FAM151B: variants seen among roughly 807,000 people sequenced by gnomAD.
FAM151B encodes the protein family with sequence similarity 151 member B.
Under a neutral mutation model 31.2 loss-of-function variants are expected in FAM151B, and 24 were observed. That is an observed-to-expected ratio of 0.77 (90% confidence interval 0.56 to 1.08). The LOEUF is 1.08. Among genes scored for constraint, FAM151B ranks in the 50% least tolerant of loss-of-function variants. The pLI is 0.00. For synonymous variants in FAM151B, 105 were observed against 111.4 expected (o/e 0.94, Z 0.36); for missense variants, 293 against 328.6 (o/e 0.89, Z 0.84).
At chr5:80,521,919 C>CATAGA in intron 4 of FAM151B, 84 bp from the exon 5 acceptor site, 4 of 964,242 alleles carry the variant, frequency 4.1e-6, no homozygotes, top group Non-Finnish European at 5.9e-6. Context: ...ATGGTTTTAC[C>CATAGA]TAATTATAGG....
At chr5:80,509,026 T>C (rs189441951) in intron 2 of FAM151B, among the ~76,000 whole-genome samples, 1 of 152,320 alleles carries the variant, frequency 6.6e-6, no homozygotes, top group East Asian at 1.9e-4. Flanking sequence ...CAGGCCGTAG[T>C]GCAGTGACGC....
At chr5:80,538,474 C>G (rs1221360346) in intron 5 of FAM151B, among the ~76,000 whole-genome samples, 68 of 123,888 alleles carry the variant, frequency 5.5e-4, no homozygotes, top group African/African-American at 1.8e-3. Flanking sequence ...TTCTTTCTTT[C>G]TTTCTTTCTT....
At chr5:80,531,111 A>G (rs1745224285) in intron 5 of FAM151B, among the ~76,000 whole-genome samples, 3 of 152,208 alleles carry the variant, frequency 2.0e-5, no homozygotes, top group African/African-American at 7.2e-5. Flanking sequence ...ATCTTTGACA[A>G]ACCTGACAAA....
At chr5:80,535,165 T>C (rs1745434361) in intron 5 of FAM151B, among the ~76,000 whole-genome samples, 1 of 152,168 alleles carries the variant, frequency 6.6e-6, no homozygotes, top group Non-Finnish European at 1.5e-5. Context: ...TGTTAAAATA[T>C]CCATACTACC....
intron 5 of FAM151B, among the ~76,000 whole-genome samples, chr5:80,529,367 A>G (rs921327040): frequency 2.4e-4 from 36 of 152,326 alleles, no homozygotes; most frequent in Middle Eastern, 3.4e-3. Flanking sequence ...AGCTAGCAGA[A>G]GGCAAGAAAT....
chr5:80,541,605 G>A, intron 5 of FAM151B, 68 bp from the exon 6 acceptor site: 2 of 1,461,006 alleles, frequency 1.4e-6, no homozygotes, highest in Middle Eastern at 1.8e-4. Context: ...AGCATTTTTA[G>A]GCTTATTGGA....
intron 5 of FAM151B, among the ~76,000 whole-genome samples, chr5:80,533,694 G>T (rs1442573450): frequency 2.2e-5 from 3 of 134,036 alleles, no homozygotes; most frequent in Admixed American, 8.3e-5. Flanking sequence ...AGATTGCAGT[G>T]AGCCGAGATC....
chr5:80,510,268 C>A (rs539139839), intron 2 of FAM151B, among the ~76,000 whole-genome samples: 5 of 152,226 alleles, frequency 3.3e-5, no homozygotes, highest in Non-Finnish European at 5.9e-5. Context: ...TCTAAAATGA[C>A]CTCACTCATA....
At chr5:80,510,146 G>A (rs1377778256) in intron 2 of FAM151B, among the ~76,000 whole-genome samples, 1 of 152,192 alleles carries the variant, frequency 6.6e-6, no homozygotes, top group African/African-American at 2.4e-5. Context: ...TAGCAGTGCT[G>A]TATTTTTTTC....
chr5:80,520,134 G>T (rs1744637651), intron 4 of FAM151B, among the ~76,000 whole-genome samples: 1 of 152,076 alleles, frequency 6.6e-6, no homozygotes, highest in African/African-American at 2.4e-5. Flanking sequence ...CACATTTATA[G>T]TCATATAAGT....
chr5:80,535,029 C>T (rs563380424), intron 5 of FAM151B, among the ~76,000 whole-genome samples: 46 of 152,078 alleles, frequency 3.0e-4, no homozygotes, highest in African/African-American at 1.1e-3. Context: ...AATTAACTAC[C>T]TAGGAATTAA....
rs189088488 is a variant in FAM151B at position 80,532,691 on chromosome 5, A to T, written c.672-8982A>T. On this transcript the variant is annotated intron_variant, in intron 5 of 5. Coordinates refer to ENST00000282226, the MANE Select transcript of FAM151B (RefSeq NM_205548.3). The stretch of plus-strand genomic sequence containing the variant: ...CAGAACATTTCATCCAACAGCTGCA[A>T]AATACACATTCTTTTTCTCAACACA... Among the ~76,000 whole-genome samples, 321 of 152,328 alleles carry T rather than the reference A, an allele frequency of 2.1e-3. 3 individuals are homozygous for T. Among genetic ancestry groups the T allele is most frequent in the Middle Eastern group, 3.4e-3 (1 of 294 alleles).
At chr5:80,529,605 A>G (rs1008311269) in intron 5 of FAM151B, among the ~76,000 whole-genome samples, 12 of 152,212 alleles carry the variant, frequency 7.9e-5, no homozygotes, top group Admixed American at 2.0e-4. Flanking sequence ...GAATACTATA[A>G]ACACCTCTAC....
chr5:80,517,009 G>A (rs1463550891), intron 3 of FAM151B, among the ~76,000 whole-genome samples: 1 of 152,166 alleles, frequency 6.6e-6, no homozygotes, highest in African/African-American at 2.4e-5. Flanking sequence ...GCTGGGGTGT[G>A]ACTCATCCCT....
At chr5:80,493,195 G>C (rs1743386053) in intron 1 of FAM151B, among the ~76,000 whole-genome samples, 1 of 152,182 alleles carries the variant, frequency 6.6e-6, no homozygotes, top group African/African-American at 2.4e-5. Context: ...ACCAGCTGGA[G>C]CCGAGGCAGA....
rs32855 is a variant in FAM151B, at chr5:80,540,373, G to T, written c.672-1300G>T. On this transcript the variant is annotated intron_variant, in intron 5 of 5. Transcript: ENST00000282226. ...GTTTTATTACACTGGAGTTTACTTT[G>T]TAATAATCTGATAAAATTTATATTT... Among the ~76,000 whole-genome samples the T allele has an allele frequency of 6.8e-4, 104 of 152,144 alleles. 2 individuals are homozygous for T. The highest frequency in any genetic ancestry group is 4.3e-3 in the Admixed American group (66 of 15,294).
At position 80,511,417 on chromosome 5, in the gene FAM151B, T is replaced by C. The variant is rs1342367012; in HGVS notation, c.152-2187T>C. Among the ~76,000 whole-genome samples the C allele has an allele frequency of 8.4e-5, 9 of 107,508 alleles. No homozygotes were observed. In the East Asian group the frequency reaches 2.6e-3, roughly 31 times the overall value. The allele number at this position is 107,508 out of a possible 152,430, so 70.5% of individuals were successfully genotyped here. ...GGAGCCCAAGAGTTTCAGGTTGCAA[T>C]AGAGTGAGACTCTGTCTCAAAAAAA... is the stretch of plus-strand genomic sequence containing the variant. On this transcript the variant is annotated intron_variant, in intron 2 of 5. Coordinates refer to ENST00000282226, the MANE Select transcript of FAM151B (RefSeq NM_205548.3).
At chr5:80,522,246 C>A in intron 5 of FAM151B, 108 bp downstream of exon 5, 2 of 1,219,320 alleles carry the variant, frequency 1.6e-6, no homozygotes, top group South Asian at 1.8e-5. Context: ...GAAAGGTAGA[C>A]AGAAAAGGAA....
intron 1 of FAM151B, among the ~76,000 whole-genome samples, chr5:80,494,613 A>G (rs1743462697): frequency 6.6e-6 from 1 of 151,702 alleles, no homozygotes; most frequent in Admixed American, 6.6e-5. Flanking sequence ...CCTGGGTTCA[A>G]TCGATCCTCC....
Sources: gnomAD v4.1 joint callset for allele counts (sites outside exome capture counted in the v4.1 genomes callset) on GRCh38, gnomAD v4.1.1 for gene constraint, MANE v1.5 for transcripts, NCBI Gene and HGNC (gene_info 2026-07-23, HGNC 2026-07-21) for gene names.